Variants in EBF1 observed in about 807,000 individuals in gnomAD.
EBF1 encodes the protein EBF transcription factor 1.
In EBF1, 10 loss-of-function variants were observed where a neutral mutation model predicts 68.4. The observed-to-expected ratio is 0.15, with a 90% CI of 0.09 to 0.25. The LOEUF (loss-of-function observed/expected upper bound fraction) is 0.25, where lower values mean the gene tolerates loss of function less well. EBF1 is among the 10% of genes least tolerant of loss of function. EBF1 has a pLI of 1.00. For synonymous variants in EBF1, 298 were observed against 299.8 expected, an observed-to-expected ratio of 0.99 and a Z score of 0.06; for missense variants, 509 against 794.4, an observed-to-expected ratio of 0.64 and a Z score of 4.32.
chr5:158,964,183 G>A (rs1182340216), intron 6 of EBF1, among the ~76,000 whole-genome samples: 1 of 152,170 alleles, frequency 6.6e-6, no homozygotes, highest in Non-Finnish European at 1.5e-5. Flanking sequence ...AGCAAGCTCA[G>A]AGTTCACGGT....
At chr5:158,865,319 AG>A (rs1308821734) in intron 6 of EBF1, among the ~76,000 whole-genome samples, 1 of 152,320 alleles carries the variant, frequency 6.6e-6, no homozygotes, top group East Asian at 1.9e-4. Flanking sequence ...TGGTTTAAAA[AG>A]GTTCCAGTCT....
intron 3 of EBF1, 137 bp from the exon 4 acceptor site, chr5:159,095,812 G>T: frequency 1.2e-6 from 1 of 846,670 alleles, no homozygotes; most frequent in Non-Finnish European, 1.9e-6. Context: ...AGGCTGATTG[G>T]AACTCCCACT....
chr5:158,795,281 C>G (rs977787778), intron 9 of EBF1, among the ~76,000 whole-genome samples: 1 of 152,178 alleles, frequency 6.6e-6, no homozygotes, highest in Non-Finnish European at 1.5e-5. Context: ...ATATACAAAT[C>G]ACTTACATTC....
chr5:158,838,954 C>T (rs1789526983), intron 7 of EBF1, among the ~76,000 whole-genome samples: 1 of 152,158 alleles, frequency 6.6e-6, no homozygotes, highest in African/African-American at 2.4e-5. Context: ...GGGCGGTGGC[C>T]TTGGCATCAT....
chr5:158,988,470 C>A (rs936324076), intron 6 of EBF1, among the ~76,000 whole-genome samples: 2 of 152,190 alleles, frequency 1.3e-5, no homozygotes, highest in African/African-American at 4.8e-5. Context: ...CTTCCCAACA[C>A]CTCCTTATTC....
At chr5:158,900,510 A>G (rs1803076442) in intron 6 of EBF1, among the ~76,000 whole-genome samples, 1 of 152,196 alleles carries the variant, frequency 6.6e-6, no homozygotes. Flanking sequence ...AGGCCCGGAA[A>G]TTGATAGCAT....
At chr5:158,890,818 A>T (rs1266508529) in intron 6 of EBF1, among the ~76,000 whole-genome samples, 1 of 152,214 alleles carries the variant, frequency 6.6e-6, no homozygotes. Context: ...ACATTTTAAA[A>T]TAAAACTCAA....
intron 6 of EBF1, among the ~76,000 whole-genome samples, chr5:158,934,977 ATG>A (rs1165115227): frequency 1.3e-5 from 2 of 152,256 alleles, no homozygotes; most frequent in Admixed American, 6.5e-5. Context: ...TTCAACAAAA[ATG>A]TGTTAGAGCC....
chr5:158,716,826 C>T (rs1035901481), intron 11 of EBF1, among the ~76,000 whole-genome samples: 1 of 152,132 alleles, frequency 6.6e-6, no homozygotes, highest in Non-Finnish European at 1.5e-5. Flanking sequence ...AGCCACTGAA[C>T]ACACAGACAG....
At chr5:158,801,660 G>T (rs1382052351) in intron 8 of EBF1, among the ~76,000 whole-genome samples, 1 of 147,324 alleles carries the variant, frequency 6.8e-6, no homozygotes, top group Non-Finnish European at 1.5e-5. Context: ...AAAAGAGAGG[G>T]AAGAATTAAA....
chr5:158,975,537 G>C (rs985643407), intron 6 of EBF1, among the ~76,000 whole-genome samples: 1 of 152,034 alleles, frequency 6.6e-6, no homozygotes, highest in African/African-American at 2.4e-5. Flanking sequence ...AAGACAGAGA[G>C]AGGCAGGAAA....
chr5:158,884,349 G>A (rs553151301), intron 6 of EBF1, among the ~76,000 whole-genome samples: 22 of 152,268 alleles, frequency 1.4e-4, no homozygotes, highest in African/African-American at 5.3e-4. Flanking sequence ...TTTTGTAGAT[G>A]AGAAATATGA....
Position 159,096,957 on chromosome 5 carries a change from G to A in EBF1, c.291+17C>T. ...GCCGAGCCGGGGACGAGGGGCGACA[G>A]CGCTGCGCCCACTTACTTTTTCCTT... On this transcript the variant is annotated intron_variant, in intron 2 of 15. Coordinates refer to ENST00000313708, the MANE Select transcript of EBF1 (RefSeq NM_024007.5). The A allele has an allele frequency of 6.2e-7, 1 of 1,612,340 alleles. No homozygotes were observed. The highest frequency in any genetic ancestry group is 8.5e-7 in the Non-Finnish European group (1 of 1,179,662).
At position 159,077,745 on chromosome 5, in the gene EBF1, C is replaced by CTTTT. The variant is rs58717165; in HGVS notation, c.486-4285_486-4282dup. ...ATTTTTATATTTTTGCAGTGGTTTG[C>CTTTT]TTTTTTTTTTTTTTTTTTTTTTGCA... is the stretch of plus-strand genomic sequence containing the variant. On this transcript the variant is annotated intron_variant, in intron 5 of 15. Coordinates refer to ENST00000313708, the MANE Select transcript of EBF1 (RefSeq NM_024007.5). Among the ~76,000 whole-genome samples the CTTTT allele has an allele frequency of 1.5e-3, 123 of 80,638 alleles. 5 individuals carry two copies. Among genetic ancestry groups the CTTTT allele is most frequent in the African/African-American group, 3.7e-3 (74 of 20,150 alleles). The allele number at this position is 80,638 out of a possible 152,430, so 52.9% of individuals were successfully genotyped here.
chr5:158,989,833 C>T (rs1009780520), intron 6 of EBF1, among the ~76,000 whole-genome samples: 2 of 152,136 alleles, frequency 1.3e-5, no homozygotes, highest in African/African-American at 2.4e-5. Context: ...AGACAATATC[C>T]GTTGACTGCC....
chr5:158,757,795 G>T (rs1770465859), intron 10 of EBF1, among the ~76,000 whole-genome samples: 1 of 152,172 alleles, frequency 6.6e-6, no homozygotes, highest in African/African-American at 2.4e-5. Context: ...TATGTTGAGT[G>T]CTTAAAACTG....
chr5:158,707,884 G>T, intron 15 of EBF1, 95 bp downstream of exon 15: 1 of 1,395,722 alleles, frequency 7.2e-7, no homozygotes, highest in Non-Finnish European at 9.8e-7. Context: ...GCCCAAGGCT[G>T]ATACCCTCAG....
chr5:158,878,289 G>A (rs1582821923), intron 6 of EBF1, among the ~76,000 whole-genome samples: 1 of 152,150 alleles, frequency 6.6e-6, no homozygotes, highest in Admixed American at 6.6e-5. Context: ...AAGAGAGAGA[G>A]GAAAGAGAAA....
At chr5:158,974,727 T>A (rs889848355) in intron 6 of EBF1, among the ~76,000 whole-genome samples, 1 of 152,174 alleles carries the variant, frequency 6.6e-6, no homozygotes, top group Non-Finnish European at 1.5e-5. Context: ...ATTTTGTAAA[T>A]CCATATTTGA....
Sources: gnomAD v4.1 joint callset for allele counts (sites outside exome capture counted in the v4.1 genomes callset) on GRCh38, gnomAD v4.1.1 for gene constraint, MANE v1.5 for transcripts, NCBI Gene and HGNC (gene_info 2026-07-23, HGNC 2026-07-21) for gene names.